Variants in FSTL5 observed in about 807,000 individuals in gnomAD.
The protein encoded by FSTL5 is follistatin like 5, also known as follistatin-related protein 5.
Under a neutral mutation model 89.1 loss-of-function variants are expected in FSTL5, and 62 were observed. That is an observed-to-expected ratio of 0.70 (90% CI 0.57 to 0.86). The LOEUF is 0.86. Ranked by LOEUF, FSTL5 falls within the 40% of genes least tolerant of loss-of-function variation. The pLI is 0.00. For missense variants in FSTL5, 1,057 were observed against 1,001.6 expected (o/e 1.06, Z -0.75); for synonymous variants, 383 against 346.2 (o/e 1.11, Z -1.18).
chr4:161,559,870 T>A (rs1412973805), intron 8 of FSTL5, among the ~76,000 whole-genome samples: 1 of 151,892 alleles, frequency 6.6e-6, no homozygotes, highest in Non-Finnish European at 1.5e-5. Context: ...CTAAGCTATA[T>A]GGTATAGCCA....
intron 10 of FSTL5, among the ~76,000 whole-genome samples, chr4:161,530,986 TCTC>T (rs916639693): frequency 1.3e-5 from 2 of 152,146 alleles, no homozygotes; most frequent in Non-Finnish European, 2.9e-5. Context: ...ATTTATATCT[TCTC>T]CTACTCCCTG....
At chr4:161,874,087 G>A (rs1053618222) in intron 4 of FSTL5, among the ~76,000 whole-genome samples, 1 of 151,984 alleles carries the variant, frequency 6.6e-6, no homozygotes, top group African/African-American at 2.4e-5. Flanking sequence ...TATTGAGTAT[G>A]AATATATTTA....
chr4:161,451,387 C>T (rs1733157991), intron 15 of FSTL5, among the ~76,000 whole-genome samples: 1 of 151,964 alleles, frequency 6.6e-6, no homozygotes, highest in Non-Finnish European at 1.5e-5. Context: ...CTAAAGAAGC[C>T]TGAAAATTAC....
At chr4:161,388,363 A>G (rs535032436) in intron 15 of FSTL5, 1 of 152,200 alleles carries the variant, frequency 6.6e-6, no homozygotes, top group Admixed American at 6.5e-5. Context: ...TATTTTCATT[A>G]AAATATTAAT....
chr4:162,066,273 TTCCTCC>T (rs200910896), intron 2 of FSTL5, among the ~76,000 whole-genome samples: 1 of 149,574 alleles, frequency 6.7e-6, no homozygotes, highest in East Asian at 2.0e-4. Context: ...TTTAATTGGG[TTCCTCC>T]TCCTCCTCCT....
intron 4 of FSTL5, among the ~76,000 whole-genome samples, chr4:161,802,753 A>G (rs12498221): frequency 0.99 from 149,650 of 151,740 alleles, 73,821 homozygotes; most frequent in East Asian, 1. Context: ...ATATGTGGAT[A>G]ACAAGATTGA....
chr4:161,463,667 G>A (rs1560907244), intron 13 of FSTL5, among the ~76,000 whole-genome samples: 1 of 152,132 alleles, frequency 6.6e-6, no homozygotes, highest in Non-Finnish European at 1.5e-5. Context: ...AGAACAATTG[G>A]TTTTTATAGA....
intron 1 of FSTL5, among the ~76,000 whole-genome samples, chr4:162,125,570 GC>G (rs1307143547): frequency 6.6e-6 from 1 of 152,000 alleles, no homozygotes; most frequent in African/African-American, 2.4e-5. Flanking sequence ...AGATACCACA[GC>G]TTTTAACTAC....
At chr4:162,035,648 T>A (rs75407385) in intron 2 of FSTL5, among the ~76,000 whole-genome samples, 14,218 of 152,124 alleles carry the variant, frequency 0.093, 786 homozygotes, top group Non-Finnish European at 0.12. Flanking sequence ...TAGCTGAGAA[T>A]ACATATACAT....
At chr4:161,408,197 C>T (rs1731456377) in intron 15 of FSTL5, among the ~76,000 whole-genome samples, 2 of 152,186 alleles carry the variant, frequency 1.3e-5, no homozygotes, top group South Asian at 4.1e-4. Context: ...CACCACAGAA[C>T]ACAACTTCAA....
intron 3 of FSTL5, among the ~76,000 whole-genome samples, chr4:161,938,632 AGC>A (rs1734496042): frequency 6.6e-6 from 1 of 152,098 alleles, no homozygotes; most frequent in South Asian, 2.1e-4. Flanking sequence ...AAATTTCCAA[AGC>A]TGAAAAATAA....
chr4:161,778,055 C>T (rs893939366), intron 4 of FSTL5, among the ~76,000 whole-genome samples: 5 of 151,764 alleles, frequency 3.3e-5, no homozygotes, highest in Admixed American at 1.3e-4. Context: ...TATTGCACCA[C>T]TGCACTGCAG....
At chr4:161,829,925 C>G (rs1427045683) in intron 4 of FSTL5, among the ~76,000 whole-genome samples, 2 of 152,022 alleles carry the variant, frequency 1.3e-5, no homozygotes, top group African/African-American at 4.8e-5. Context: ...AAGGAAAGAG[C>G]AACCCTTAAG....
chr4:161,712,964 C>T (rs1188105427), intron 6 of FSTL5, among the ~76,000 whole-genome samples: 6 of 152,108 alleles, frequency 3.9e-5, no homozygotes, highest in South Asian at 2.1e-4. Context: ...CTTATTATAC[C>T]GCCTGCAGAA....
At chr4:161,505,887 G>A (rs1483973991) in intron 11 of FSTL5, among the ~76,000 whole-genome samples, 1 of 152,080 alleles carries the variant, frequency 6.6e-6, no homozygotes, top group East Asian at 1.9e-4. Flanking sequence ...GAACTGGCCA[G>A]TAGAAATAAC....
chr4:162,160,799 C>T (rs11947885), intron 1 of FSTL5, among the ~76,000 whole-genome samples: 79,554 of 150,552 alleles, frequency 0.53, 21,157 homozygotes, highest in Admixed American at 0.59. Flanking sequence ...ATTTTTCTAT[C>T]GCCCATGTTA....
At chr4:161,521,848 C>CAAAAAAAAAAAAA (rs11405532) in intron 10 of FSTL5, among the ~76,000 whole-genome samples, 3 of 58,166 alleles carry the variant, frequency 5.2e-5, no homozygotes, top group African/African-American at 1.9e-4. Context: ...GACTCCACCT[C>CAAAAAAAAAAAAA]AAAAAAAAAA....
At chr4:161,459,177 T>C (rs779789873) in intron 14 of FSTL5, 35 bp downstream of exon 14, 12 of 1,183,596 alleles carry the variant, frequency 1.0e-5, no homozygotes, top group African/African-American at 1.5e-5. Flanking sequence ...GCTTTAAAGA[T>C]TGTTATTTTC....
chr4:162,020,739 GA>G (rs931330028), intron 3 of FSTL5, among the ~76,000 whole-genome samples: 2 of 149,744 alleles, frequency 1.3e-5, no homozygotes, highest in East Asian at 3.9e-4. Context: ...TTAACTAAAA[GA>G]AAAAAAACAG....
Sources: gnomAD v4.1 joint callset for allele counts (sites outside exome capture counted in the v4.1 genomes callset) on GRCh38, gnomAD v4.1.1 for gene constraint, MANE v1.5 for transcripts, NCBI Gene and HGNC (gene_info 2026-07-23, HGNC 2026-07-21) for gene names.